The following PTPRD variants were observed in gnomAD, a reference collection of about 807,000 sequenced individuals.
The protein encoded by PTPRD is receptor-type tyrosine-protein phosphatase delta.
A neutral mutation model predicts 214.5 loss-of-function variants in PTPRD; 34 were observed. That is an observed-to-expected ratio of 0.16 (90% CI 0.12 to 0.21). The LOEUF (loss-of-function observed/expected upper bound fraction) is 0.21, where lower values mean the gene tolerates loss of function less well. Among genes scored for constraint, PTPRD ranks in the 10% least tolerant of loss-of-function variants. The pLI is 1.00. For synonymous variants in PTPRD, 1,128 were observed against 845.7 expected (o/e 1.33, Z -5.79); for missense variants, 2,545 against 2,398.7 (o/e 1.06, Z -1.27).
chr9:10,317,024 G>T (rs1454203816), intron 3 of PTPRD, among the ~76,000 whole-genome samples: 1 of 151,890 alleles, frequency 6.6e-6, no homozygotes. Flanking sequence ...TCTATTTTCT[G>T]TACAGAGATC....
chr9:8,533,505 T>C (rs934118940), intron 14 of PTPRD, among the ~76,000 whole-genome samples: 4 of 152,030 alleles, frequency 2.6e-5, no homozygotes, highest in East Asian at 1.9e-4. Context: ...ACTTAGATAT[T>C]ATTGACAATA....
intron 35 of PTPRD, among the ~76,000 whole-genome samples, chr9:8,417,098 G>A (rs1157656487): frequency 6.6e-6 from 1 of 151,992 alleles, no homozygotes; most frequent in Non-Finnish European, 1.5e-5. Context: ...TGCCAATTTT[G>A]GCTTAATGAT....
At chr9:9,837,980 C>T (rs2057283940) in intron 5 of PTPRD, among the ~76,000 whole-genome samples, 1 of 152,092 alleles carries the variant, frequency 6.6e-6, no homozygotes, top group Non-Finnish European at 1.5e-5. Flanking sequence ...CATGTGTTCT[C>T]ATTGCTCAAT....
intron 8 of PTPRD, among the ~76,000 whole-genome samples, chr9:9,481,251 A>G (rs1487014048): frequency 2.6e-5 from 4 of 152,150 alleles, no homozygotes; most frequent in Non-Finnish European, 5.9e-5. Context: ...GGTGAGGTAG[A>G]AGCTGGAGGG....
At chr9:10,053,995 G>C (rs1474952639) in intron 3 of PTPRD, among the ~76,000 whole-genome samples, 1 of 152,124 alleles carries the variant, frequency 6.6e-6, no homozygotes. Context: ...CTGACCTCAA[G>C]TGATACACCC....
At chr9:10,353,690 G>A (rs373714332) in intron 2 of PTPRD, among the ~76,000 whole-genome samples, 1 of 151,804 alleles carries the variant, frequency 6.6e-6, no homozygotes, top group East Asian at 1.9e-4. Flanking sequence ...CACAAAATGA[G>A]AGCAAGCTCT....
Position 8,469,381 on chromosome 9 carries a change from A to G in PTPRD, c.3504+1614T>C, listed in dbSNP as rs958222947. On this transcript the variant is annotated intron_variant, in intron 31 of 45. Coordinates refer to ENST00000381196, the MANE Select transcript of PTPRD (RefSeq NM_002839.4). ...ATTCTGGCTTGGATCTCAGTGCCTTAAAAACTTTTTTTTAATAGGTAGAAC... is the reference window on the plus strand; with the variant it reads ...ATTCTGGCTTGGATCTCAGTGCCTTGAAAACTTTTTTTTAATAGGTAGAAC... Among the ~76,000 whole-genome samples, 11 of 152,152 alleles carry G rather than the reference A, an allele frequency of 7.2e-5. No individual in the cohort carries two copies. In the East Asian group the frequency reaches 2.1e-3, roughly 30 times the overall value.
chr9:9,773,599 C>T (rs1271213647), intron 5 of PTPRD, among the ~76,000 whole-genome samples: 1 of 152,156 alleles, frequency 6.6e-6, no homozygotes, highest in Non-Finnish European at 1.5e-5. Context: ...AAGGTACATA[C>T]ACTGCTATAT....
intron 3 of PTPRD, among the ~76,000 whole-genome samples, chr9:10,243,043 T>C (rs2091420012): frequency 6.6e-6 from 1 of 152,008 alleles, no homozygotes; most frequent in African/African-American, 2.4e-5. Flanking sequence ...GCCTCTAAAC[T>C]ATAACTTTGA....
intron 2 of PTPRD, among the ~76,000 whole-genome samples, chr9:10,409,358 T>C (rs1388416846): frequency 6.6e-6 from 1 of 151,806 alleles, no homozygotes; most frequent in African/African-American, 2.4e-5. Flanking sequence ...ATATCCTTTC[T>C]TACAGTTCCT....
intron 8 of PTPRD, among the ~76,000 whole-genome samples, chr9:9,485,995 A>G (rs2095613877): frequency 1.3e-5 from 2 of 151,980 alleles, no homozygotes; most frequent in Non-Finnish European, 2.9e-5. Flanking sequence ...TACTAAAAAT[A>G]CAAAAAATAG....
chr9:9,477,510 G>T (rs375227364), intron 8 of PTPRD, among the ~76,000 whole-genome samples: 2 of 152,138 alleles, frequency 1.3e-5, no homozygotes, highest in African/African-American at 4.8e-5. Flanking sequence ...TTAAAGTTCT[G>T]ATTATTCATT....
chr9:9,447,781 G>C (rs1382898674), intron 8 of PTPRD, among the ~76,000 whole-genome samples: 1 of 152,086 alleles, frequency 6.6e-6, no homozygotes, highest in East Asian at 1.9e-4. Flanking sequence ...GAAATAGGCA[G>C]AATATGGAAG....
intron 10 of PTPRD, among the ~76,000 whole-genome samples, chr9:9,096,095 G>A (rs1047976168): frequency 1.3e-5 from 2 of 152,180 alleles, no homozygotes; most frequent in Admixed American, 6.5e-5. Context: ...ATGGGGAGAT[G>A]TAGGTCAAAG....
intron 3 of PTPRD, among the ~76,000 whole-genome samples, chr9:10,136,550 T>C (rs1168896079): frequency 6.7e-6 from 1 of 149,054 alleles, no homozygotes; most frequent in African/African-American, 2.5e-5. Flanking sequence ...GACCAAAGTA[T>C]GATAAAAATT....
intron 3 of PTPRD, among the ~76,000 whole-genome samples, chr9:10,231,984 G>GAC (rs1434202854): frequency 3.3e-5 from 4 of 121,822 alleles, no homozygotes; most frequent in Non-Finnish European, 6.3e-5. Context: ...GAGAGAGAGA[G>GAC]AGAGAGTGTG....
intron 5 of PTPRD, among the ~76,000 whole-genome samples, chr9:9,848,042 C>A (rs991348509): frequency 6.6e-6 from 1 of 152,076 alleles, no homozygotes; most frequent in African/African-American, 2.4e-5. Flanking sequence ...TAAGAAAAGA[C>A]TTGTGAATAA....
chr9:8,839,964 C>T (rs535264415), intron 11 of PTPRD, among the ~76,000 whole-genome samples: 20 of 152,222 alleles, frequency 1.3e-4, no homozygotes, highest in African/African-American at 4.8e-4. Context: ...AAAAATTACT[C>T]GAGTTAGAAC....
Position 10,224,393 on chromosome 9 carries a change from T to C in PTPRD, c.-545+116570A>G, listed in dbSNP as rs571993112. Among the ~76,000 whole-genome samples, 9 of 152,160 alleles carry C rather than the reference T, an allele frequency of 5.9e-5. No individual in the cohort carries two copies. The East Asian group carries it at 1.8e-3, about 30-fold the overall frequency. On this transcript the variant is annotated intron_variant, in intron 3 of 45. Transcript: ENST00000381196. Reference sequence around the variant, plus strand: ...TTCTTATTATATTTAAGTTTTAGGGTACATGAGCACAATGTGCAGGTTAGT... The same window carrying C: ...TTCTTATTATATTTAAGTTTTAGGGCACATGAGCACAATGTGCAGGTTAGT...
Sources: gnomAD v4.1 joint callset for allele counts (sites outside exome capture counted in the v4.1 genomes callset) on GRCh38, gnomAD v4.1.1 for gene constraint, MANE v1.5 for transcripts, NCBI Gene and HGNC (gene_info 2026-07-23, HGNC 2026-07-21) for gene names.